The following CDKN2B-AS1 variants were observed in gnomAD, a reference collection of about 807,000 sequenced individuals.
CDKN2B-AS1 encodes CDKN2B and CDKN2A antisense cis and trans regulatory RNA 1.
intron 4 of CDKN2B-AS1, among the ~76,000 whole-genome samples, chr9:22,085,369 C>T (rs187270981): frequency 1.3e-3 from 195 of 152,250 alleles, no homozygotes; most frequent in African/African-American, 4.6e-3. Context: ...CCTGTTTATC[C>T]CAAGGACCTA....
At chr9:22,110,016 C>T (rs1003311880) in intron 4 of CDKN2B-AS1, among the ~76,000 whole-genome samples, 1 of 152,148 alleles carries the variant, frequency 6.6e-6, no homozygotes, top group Non-Finnish European at 1.5e-5. Context: ...AGTCAATTGA[C>T]TTCCCTGAAT....
Position 21,999,900 on chromosome 9 carries a change from A to G in CDKN2B-AS1, n.29+4739A>G, listed in dbSNP as rs1820848983. ...ATGATCCCATTCATGTTTTCCAAATATGCATGCTGGGGGAGAGATGTTTGC... is the reference window on the plus strand; with the variant it reads ...ATGATCCCATTCATGTTTTCCAAATGTGCATGCTGGGGGAGAGATGTTTGC... On this transcript the variant is annotated intron_variant and non_coding_transcript_variant, in intron 1 of 4. Transcript: ENST00000650946. This position sits in a 1 kb window ranked among gnomAD's most constrained non-coding sequence, Gnocchi z 4.7. Among the ~76,000 whole-genome samples, 7 of 152,310 alleles carry G rather than the reference A, an allele frequency of 4.6e-5. No homozygotes were observed. The South Asian group carries it at 1.5e-3, about 32-fold the overall frequency.
At chr9:22,047,572 A>T (rs1369248408) in intron 2 of CDKN2B-AS1, among the ~76,000 whole-genome samples, 4 of 152,206 alleles carry the variant, frequency 2.6e-5, no homozygotes, top group Admixed American at 2.6e-4. Context: ...GAAATATATT[A>T]GTTATTATTT....
At chr9:22,017,692 T>TA (rs1197241358) in intron 1 of CDKN2B-AS1, among the ~76,000 whole-genome samples, 5 of 152,216 alleles carry the variant, frequency 3.3e-5, no homozygotes, top group African/African-American at 1.2e-4. Context: ...ATGAACAACA[T>TA]ATTGAAGTTA....
intron 1 of CDKN2B-AS1, among the ~76,000 whole-genome samples, chr9:22,020,867 G>A (rs1821986202): frequency 6.6e-6 from 1 of 152,158 alleles, no homozygotes; most frequent in South Asian, 2.1e-4. Context: ...CCGTGCAGAA[G>A]CTTTTTAGTT....
chr9:22,037,430 C>T (rs1051976097), intron 1 of CDKN2B-AS1, among the ~76,000 whole-genome samples: 3 of 151,562 alleles, frequency 2.0e-5, no homozygotes, highest in Non-Finnish European at 2.9e-5. Flanking sequence ...ACCTGGTTTG[C>T]GTAATCTACA....
At position 22,029,317 on chromosome 9, in the gene CDKN2B-AS1, G is replaced by C. The variant is rs1185167849; in HGVS notation, n.30-17434G>C. ...ATTACCGTCTTTATCAAATAGGAGA[G>C]CCTGATCATGTGTGGTCTGAAGTTT... is the stretch of plus-strand genomic sequence containing the variant. On this transcript the variant is annotated intron_variant and non_coding_transcript_variant, in intron 1 of 4. Transcript: ENST00000650946. 1.7e-5 allele frequency: 12 copies of C among 697,930 alleles called. No individual in the cohort carries two copies. In the South Asian group the frequency reaches 2.0e-4, roughly 12 times the overall value. The allele number at this position is 697,930 out of a possible 1,614,324, so 43.2% of individuals were successfully genotyped here.
intron 4 of CDKN2B-AS1, among the ~76,000 whole-genome samples, chr9:22,101,870 A>G (rs1297930920): frequency 1.3e-5 from 2 of 152,218 alleles, no homozygotes; most frequent in Non-Finnish European, 2.9e-5. Context: ...GGCTTGGGCT[A>G]GCAGACTGGG....
chr9:22,068,547 G>A (rs1824157520), intron 4 of CDKN2B-AS1, among the ~76,000 whole-genome samples: 1 of 152,152 alleles, frequency 6.6e-6, no homozygotes. Flanking sequence ...AATCTAAAAG[G>A]TGTAGTTTCT....
intron 4 of CDKN2B-AS1, among the ~76,000 whole-genome samples, chr9:22,065,306 G>C (rs1384966371): frequency 6.6e-6 from 1 of 152,170 alleles, no homozygotes; most frequent in Non-Finnish European, 1.5e-5. Flanking sequence ...TCATTTGTGA[G>C]ATGGAGTGGA....
At position 22,050,504 on chromosome 9, in the gene CDKN2B-AS1, C is replaced by T. The variant is rs1034798709; in HGVS notation, n.302+1276C>T. On this transcript the variant is annotated intron_variant and non_coding_transcript_variant, in intron 3 of 4. Coordinates refer to ENST00000650946, the Ensembl canonical transcript of CDKN2B-AS1. ...GAAATCCAGTTAACAGTTAAAATCC[C>T]GTTGGGCAATTTCTCGTTAATTGAC... is the stretch of plus-strand genomic sequence containing the variant. Among the ~76,000 whole-genome samples, 10 of 152,196 alleles carry T rather than the reference C, an allele frequency of 6.6e-5. No individual in the cohort carries two copies. The South Asian group carries it at 1.2e-3, about 19-fold the overall frequency.
In CDKN2B-AS1 at chr9:21,995,854, C is replaced by G. The variant is rs373457963; in HGVS notation, n.29+693C>G. On this transcript the variant is annotated intron_variant and non_coding_transcript_variant, in intron 1 of 4. Transcript: ENST00000650946. The surrounding 1 kb of genome is among the most constrained non-coding windows in gnomAD (Gnocchi z 5.7). Reference sequence around the variant, plus strand: ...AGGCCGGCGCGCTGACCCGGTGCCCCGACCCGGAGCCTGCGGTCTGCCTGG... The same window carrying G: ...AGGCCGGCGCGCTGACCCGGTGCCCGGACCCGGAGCCTGCGGTCTGCCTGG... The G allele has an allele frequency of 1.2e-4, 19 of 152,260 alleles. No homozygotes were observed. The highest frequency in any genetic ancestry group is 4.6e-4 in the African/African-American group (19 of 41,464). The allele number at this position is 152,260 out of a possible 1,614,324, so 9.4% of individuals were successfully genotyped here.
At chr9:22,024,514 T>A (rs1000578037) in intron 1 of CDKN2B-AS1, among the ~76,000 whole-genome samples, 3 of 152,134 alleles carry the variant, frequency 2.0e-5, no homozygotes, top group Non-Finnish European at 4.4e-5. Flanking sequence ...TCTGAGTGCC[T>A]TCTTGGTCAC....
At position 22,051,874 on chromosome 9, in the gene CDKN2B-AS1, TACA is replaced by T. The variant is rs1314298357; in HGVS notation, n.302+2647_302+2649del. On this transcript the variant is annotated intron_variant and non_coding_transcript_variant, in intron 3 of 4. Coordinates refer to ENST00000650946, the Ensembl canonical transcript of CDKN2B-AS1. ...TATCTGGATAGATAAATTAGACGTA[TACA>T]TTTAAAGGAGTTTGCATCAGCTGCT... is the stretch of plus-strand genomic sequence containing the variant. Among the ~76,000 whole-genome samples the T allele has an allele frequency of 8.2e-3, 1,251 of 152,300 alleles. 80 individuals are homozygous for T. In the East Asian group the frequency reaches 0.17, roughly 21 times the overall value.
intron 4 of CDKN2B-AS1, chr9:22,120,633 A>G (rs951672951): frequency 1.3e-5 from 2 of 152,206 alleles, no homozygotes; most frequent in Non-Finnish European, 2.9e-5. Context: ...ACCTTGTTTC[A>G]AAAATATTAA....
At chr9:22,011,222 G>A (rs988702810) in intron 1 of CDKN2B-AS1, among the ~76,000 whole-genome samples, 1 of 152,186 alleles carries the variant, frequency 6.6e-6, no homozygotes, top group Non-Finnish European at 1.5e-5. Context: ...AAATAGAAAG[G>A]ACATTATGGA....
At chr9:22,111,913 T>C (rs753438463) in intron 4 of CDKN2B-AS1, among the ~76,000 whole-genome samples, 16 of 152,172 alleles carry the variant, frequency 1.1e-4, no homozygotes, top group Non-Finnish European at 2.2e-4. Flanking sequence ...CCAGTAACTA[T>C]GGCAGTTAGT....
At chr9:22,091,585 A>G (rs1294396124) in intron 4 of CDKN2B-AS1, among the ~76,000 whole-genome samples, 1 of 152,166 alleles carries the variant, frequency 6.6e-6, no homozygotes, top group East Asian at 1.9e-4. Context: ...TTCTCTTTGA[A>G]GGAATTGTGA....
At position 22,038,894 on chromosome 9, in the gene CDKN2B-AS1, A is replaced by G. The variant is rs565921412; in HGVS notation, n.30-7857A>G. 3.9e-5 allele frequency among the ~76,000 whole-genome samples: 6 copies of G among 152,216 alleles called. 1 individual carries two copies. In the South Asian group the frequency reaches 8.3e-4, roughly 21 times the overall value. Reference sequence around the variant, plus strand: ...GCAATATCTGGTATAGTGTATGCATAGTAAGTATTCTAGAAATAGTAATTT... The same window carrying G: ...GCAATATCTGGTATAGTGTATGCATGGTAAGTATTCTAGAAATAGTAATTT... On this transcript the variant is annotated intron_variant and non_coding_transcript_variant, in intron 1 of 4. Transcript: ENST00000650946.
Sources: allele counts gnomAD v4.1 joint callset (sites outside exome capture counted in the v4.1 genomes callset), GRCh38; gene constraint gnomAD v4.1.1; non-coding constraint Gnocchi (gnomAD v3.1); transcripts MANE v1.5; gene names NCBI Gene and HGNC (gene_info 2026-07-23, HGNC 2026-07-21).